Variants in ZNF662 observed in about 807,000 individuals in gnomAD.
ZNF662 encodes zinc finger protein 662.
Under a neutral mutation model 12.4 loss-of-function variants are expected in ZNF662, and 14 were observed. That is an observed-to-expected ratio of 1.13 (90% CI 0.75 to 1.77). The LOEUF (loss-of-function observed/expected upper bound fraction) is 1.77, where lower values mean the gene tolerates loss of function less well. Among genes scored for constraint, ZNF662 ranks in the 40% most tolerant of loss-of-function variants. ZNF662 has a pLI of 0.00. For synonymous variants in ZNF662, 184 were observed against 176.4 expected (o/e 1.04, Z -0.34); for missense variants, 550 against 515.6 (o/e 1.07, Z -0.65).
chr3:42,917,449 G>C lies in ZNF662; in HGVS notation c.*2095G>C, dbSNP rs748998927. 1.0e-5 allele frequency: 7 copies of C among 683,208 alleles called. No individual in the cohort carries two copies. The South Asian group carries it at 1.1e-4, about 11-fold the overall frequency. The allele number at this position is 683,208 out of a possible 1,614,324, so 42.3% of individuals were successfully genotyped here. A position where few individuals can be genotyped will look rare whatever the true frequency, so the allele number is the denominator to read the frequency against. On this transcript the variant is annotated 3_prime_UTR_variant, in exon 5 of 5. Coordinates refer to ENST00000440367, the MANE Select transcript of ZNF662 (RefSeq NM_207404.4). ...AGCAACTTTTTTTTTCTGTTAAAAGGGGAGATTCTCAAGCTTCCAGGTGCT... is the reference window on the plus strand; with the variant it reads ...AGCAACTTTTTTTTTCTGTTAAAAGCGGAGATTCTCAAGCTTCCAGGTGCT...
At chr3:42,909,873 C>G (rs6777015) in intron 3 of ZNF662, among the ~76,000 whole-genome samples, 147,994 of 151,234 alleles carry the variant, frequency 0.98, 72,494 homozygotes, top group Middle Eastern at 1. Flanking sequence ...CTCAGATGGG[C>G]CGGCGGGGCA....
At chr3:42,909,014 G>T in intron 3 of ZNF662, 105 bp downstream of exon 3, 2 of 679,688 alleles carry the variant, frequency 2.9e-6, no homozygotes, top group South Asian at 2.4e-5. Flanking sequence ...GACACTAGTG[G>T]GATTGCATTT....
Position 42,913,274 on chromosome 3 carries a change from A to G in ZNF662, c.225A>G (p.Gln75=). 3.1e-6 allele frequency: 5 copies of G among 1,614,024 alleles called. No individual in the cohort carries two copies. Among genetic ancestry groups the G allele is most frequent in the Non-Finnish European group, 4.2e-6 (5 of 1,179,914 alleles). The change falls in exon 4 of 5, where the codon CAA becomes CAG. Residue 75 remains glutamine, a synonymous_variant. Transcript: ENST00000440367. ...AAGAGCCATTAAACCTGAAACTGCA[A>G]GGAGAGGGTCCAAGCCTGATTTGTC... The part of the protein sequence containing the change: ...QVEEPLNLKL[Q]GEGPSLICPE...
rs766356569 is a variant in ZNF662, at chr3:42,913,184, T to C, written c.152-17T>C. The C allele has an allele frequency of 1.9e-6, 3 of 1,599,956 alleles. No individual in the cohort carries two copies. Among genetic ancestry groups the C allele is most frequent in the South Asian group, 2.2e-5 (2 of 90,740 alleles). The stretch of plus-strand genomic sequence containing the variant: ...CTTCTGACTGAGTCAGCCTTATTTG[T>C]ATCTTGACCCTGGCAGGATATCCAT... On this transcript the variant is annotated splice_polypyrimidine_tract_variant and intron_variant, in intron 3 of 4. Transcript: ENST00000440367.
chr3:42,908,211 C>G, intron 2 of ZNF662, 63 bp downstream of exon 2: 2 of 1,560,946 alleles, frequency 1.3e-6, no homozygotes. Flanking sequence ...CCTTTTTTCT[C>G]AAAGGCTCAG....
chr3:42,908,297 G>A, intron 2 of ZNF662, 149 bp downstream of exon 2: 4 of 1,422,028 alleles, frequency 2.8e-6, no homozygotes, highest in Non-Finnish European at 3.7e-6. Flanking sequence ...AGCAGCCGTT[G>A]GAAAGTAGGA....
intron 3 of ZNF662, among the ~76,000 whole-genome samples, chr3:42,909,683 GGGCGGGGGCTGCCCCCCACCTCCC>G (rs1247952825): frequency 6.6e-6 from 1 of 151,144 alleles, no homozygotes; most frequent in Non-Finnish European, 1.5e-5. Context: ...GGCAGCGGCT[GGGCGGGGGCTGCCCCCCACCTCCC>G]GGAGGGGGCG....
chr3:42,911,836 C>T (rs185438735), intron 3 of ZNF662, among the ~76,000 whole-genome samples: 6 of 151,992 alleles, frequency 3.9e-5, no homozygotes, highest in African/African-American at 9.7e-5. Context: ...TTATGGATGC[C>T]ATAGAGAGAC....
rs1272775097 is a variant in ZNF662 at position 42,917,812 on chromosome 3, A to G, written c.*2458A>G. Reference sequence around the variant, plus strand: ...CAGTTGCTTGGAAGTTGAGCATCTAAATAGGTGGCTTTTGCTGGGTGCAGT... The same window carrying G: ...CAGTTGCTTGGAAGTTGAGCATCTAGATAGGTGGCTTTTGCTGGGTGCAGT... On this transcript the variant is annotated 3_prime_UTR_variant, in exon 5 of 5. Transcript: ENST00000440367. 6.6e-6 allele frequency among the ~76,000 whole-genome samples: 1 copy of G among 152,204 alleles called. No individual in the cohort carries two copies. Among genetic ancestry groups the G allele is most frequent in the African/African-American group, 2.4e-5 (1 of 41,446 alleles).
chr3:42,913,302 G>A lies in ZNF662; in HGVS notation c.253G>A (p.Glu85Lys). The A allele has an allele frequency of 1.2e-6, 2 of 1,610,696 alleles. No homozygotes were observed. The highest frequency in any genetic ancestry group is 2.2e-5 in the East Asian group (1 of 44,854). ...QGEGPSLICP[E>K]GVLKRKKEDF... ...AGAGGGTCCAAGCCTGATTTGTCCG[G>A]GTAAGTGAGAGGGAAATGAGCATTC... Residue 85 changes from glutamate (E) to lysine (K), a missense_variant and splice_region_variant, in exon 4 of 5, where the codon GAG (glutamate) becomes AAG (lysine). Coordinates refer to ENST00000440367, the MANE Select transcript of ZNF662 (RefSeq NM_207404.4).
intron 3 of ZNF662, among the ~76,000 whole-genome samples, chr3:42,910,675 A>G (rs1164069780): frequency 6.6e-6 from 1 of 152,140 alleles, no homozygotes. Flanking sequence ...TAGGCCCAAC[A>G]GGACTTTCTT....
chr3:42,918,522 C>T lies in ZNF662; in HGVS notation c.*3168C>T, dbSNP rs747950907. 1.6e-4 allele frequency among the ~76,000 whole-genome samples: 24 copies of T among 152,104 alleles called. No homozygotes were observed. Among genetic ancestry groups the T allele is most frequent in the African/African-American group, 3.6e-4 (15 of 41,412 alleles). The stretch of plus-strand genomic sequence containing the variant: ...CCCTTACTGTGTATGTGTTAAGGAA[C>T]GGAATTTTTCATCATGGGCATGTTT... On this transcript the variant is annotated 3_prime_UTR_variant, in exon 5 of 5. Transcript: ENST00000440367.
rs1553609503 is a variant in ZNF662 at position 42,912,642 on chromosome 3, A to ATATATATAAATATATATATATTTTT, written c.152-551_152-550insAATATATATATATTTTTTATATATA. ...TATAAAATATATATTTATATATTTT[A>ATATATATAAATATATATATATTTTT]TATATATATAAATATATATATATAT... On this transcript the variant is annotated intron_variant, in intron 3 of 4. Coordinates refer to ENST00000440367, the MANE Select transcript of ZNF662 (RefSeq NM_207404.4). Among the ~76,000 whole-genome samples the ATATATATAAATATATATATATTTTT allele has an allele frequency of 5.6e-3, 331 of 59,436 alleles. 12 individuals carry two copies. The highest frequency in any genetic ancestry group is 0.021 in the African/African-American group (246 of 11,992). The allele number at this position is 59,436 out of a possible 152,430, so 39.0% of individuals were successfully genotyped here. A position where few individuals can be genotyped will look rare whatever the true frequency, so the allele number is the denominator to read the frequency against.
At position 42,915,424 on chromosome 3, in the gene ZNF662, C is replaced by A; in HGVS notation, c.*70C>A. On this transcript the variant is annotated 3_prime_UTR_variant, in exon 5 of 5. Transcript: ENST00000440367. The stretch of plus-strand genomic sequence containing the variant: ...GAACCCTAGAGACAAAATGAGATGA[C>A]CATTCACAATTTGCTGTAACCCTTA... 7.0e-7 allele frequency: 1 copy of A among 1,422,618 alleles called. No individual in the cohort carries two copies. The highest frequency in any genetic ancestry group is 9.5e-7 in the Non-Finnish European group (1 of 1,053,292). The allele number at this position is 1,422,618 out of a possible 1,614,324, so 88.1% of individuals were successfully genotyped here.
Position 42,917,676 on chromosome 3 carries a change from C to A in ZNF662, c.*2322C>A. On this transcript the variant is annotated 3_prime_UTR_variant, in exon 5 of 5. Coordinates refer to ENST00000440367, the MANE Select transcript of ZNF662 (RefSeq NM_207404.4). ...GAGTTTTCTGTTATTTGCAACTTAGCCACACTAATACTGTTTTGTGTTTGA... is the reference window on the plus strand; with the variant it reads ...GAGTTTTCTGTTATTTGCAACTTAGACACACTAATACTGTTTTGTGTTTGA... The A allele has an allele frequency of 1.5e-6, 1 of 653,310 alleles. No individual in the cohort carries two copies. 40.5% of individuals were successfully genotyped at this position (653,310 alleles called of 1,614,324 possible). A position where few individuals can be genotyped will look rare whatever the true frequency, so the allele number is the denominator to read the frequency against.
At chr3:42,911,584 G>T (rs541882698) in intron 3 of ZNF662, among the ~76,000 whole-genome samples, 1 of 152,324 alleles carries the variant, frequency 6.6e-6, no homozygotes, top group East Asian at 1.9e-4. Flanking sequence ...GTCCACTTTT[G>T]TCTTACAGAA....
chr3:42,911,181 G>T (rs972443855), intron 3 of ZNF662, among the ~76,000 whole-genome samples: 4 of 152,180 alleles, frequency 2.6e-5, no homozygotes, highest in Non-Finnish European at 5.9e-5. Context: ...CAATCCTGTG[G>T]CAAGGTAACT....
At chr3:42,910,676 G>A (rs1459838589) in intron 3 of ZNF662, among the ~76,000 whole-genome samples, 1 of 152,128 alleles carries the variant, frequency 6.6e-6, no homozygotes, top group African/African-American at 2.4e-5. Context: ...AGGCCCAACA[G>A]GACTTTCTTA....
chr3:42,909,151 A>T (rs2088730919), intron 3 of ZNF662, among the ~76,000 whole-genome samples: 1 of 152,086 alleles, frequency 6.6e-6, no homozygotes, highest in Admixed American at 6.5e-5. Flanking sequence ...TAGTGGAGGG[A>T]AGGTCAGCAG....
Sources: gnomAD v4.1 joint callset for allele counts (sites outside exome capture counted in the v4.1 genomes callset) on GRCh38, gnomAD v4.1.1 for gene constraint, MANE v1.5 for transcripts, NCBI Gene and HGNC (gene_info 2026-07-23, HGNC 2026-07-21) for gene names.